The following ZNF705A variants were observed in gnomAD, a reference collection of about 807,000 sequenced individuals.
The protein encoded by ZNF705A is zinc finger protein 705A.
ZNF705A carries 8 observed loss-of-function variants against 16.6 expected under a neutral mutation model. The observed-to-expected ratio is 0.48, with a 90% confidence interval of 0.28 to 0.87. The LOEUF (loss-of-function observed/expected upper bound fraction) is 0.87. Among genes scored for constraint, ZNF705A ranks in the 40% least tolerant of loss-of-function variants. The probability of loss-of-function intolerance (pLI) is 0.10; values close to 1 mark genes in which losing one functional copy is unlikely to be tolerated. For missense variants in ZNF705A, 233 were observed against 359.9 expected, an observed-to-expected ratio of 0.65 and a Z score of 2.85; for synonymous variants, 73 against 117.3, an observed-to-expected ratio of 0.62 and a Z score of 2.44.
At chr12:8,169,398 A>G (rs1020450131), upstream of ZNF705A, among the ~76,000 whole-genome samples, 25 of 152,180 alleles carry the variant, frequency 1.6e-4, no homozygotes, top group African/African-American at 6.0e-4. Context: ...CTGACTTGCA[A>G]TCCCGTCAAG....
upstream of ZNF705A, among the ~76,000 whole-genome samples, chr12:8,170,238 A>G (rs1948435481): frequency 6.7e-6 from 1 of 149,842 alleles, no homozygotes; most frequent in South Asian, 2.2e-4. Flanking sequence ...GGAGATCCTA[A>G]GCTGTGCAGG....
chr12:8,179,312 G>A (rs1443839525), exon 5 of ZNF705A: 2 of 152,222 alleles, frequency 1.3e-5, no homozygotes, highest in East Asian at 1.9e-4. Flanking sequence ...TAAAACACCA[G>A]CATGATAAAA....
At chr12:8,167,261 A>C (rs1332089531) in intron 1 of ZNF705A, among the ~76,000 whole-genome samples, 2 of 152,236 alleles carry the variant, frequency 1.3e-5, no homozygotes, top group African/African-American at 4.8e-5. Context: ...AGTACTTATG[A>C]ATAAAAAAAG....
chr12:8,168,548 G>C (rs770678114), upstream of ZNF705A, among the ~76,000 whole-genome samples: 1 of 152,254 alleles, frequency 6.6e-6, no homozygotes, highest in South Asian at 2.1e-4. Context: ...TTCTAGATCT[G>C]CATTGGCCAA....
upstream of ZNF705A, chr12:8,172,419 C>G: frequency 1.4e-6 from 1 of 721,062 alleles, no homozygotes; most frequent in Non-Finnish European, 2.4e-6. Context: ...AGAGGAGAGG[C>G]CTCTGCGTGT....
At chr12:8,176,778 G>C (rs1948486799) in intron 4 of ZNF705A, among the ~76,000 whole-genome samples, 1 of 152,112 alleles carries the variant, frequency 6.6e-6, no homozygotes, top group Admixed American at 6.6e-5. Context: ...GGAACCAGAA[G>C]GGGGAGGCAG....
At chr12:8,173,520 C>A (rs1001911872) in intron 1 of ZNF705A, among the ~76,000 whole-genome samples, 1 of 152,050 alleles carries the variant, frequency 6.6e-6, no homozygotes, top group African/African-American at 2.4e-5. Context: ...TTTGGATTGC[C>A]GAGAGAAAGT....
chr12:8,157,048 A>G (rs1034919497), exon 1 of ZNF705A: 5 of 397,938 alleles, frequency 1.3e-5, no homozygotes, highest in African/African-American at 2.1e-5. Flanking sequence ...GGAAAATTGC[A>G]AGGGGTTTTT....
chr12:8,163,198 A>G (rs981596348), intron 1 of ZNF705A, among the ~76,000 whole-genome samples: 2 of 152,222 alleles, frequency 1.3e-5, no homozygotes, highest in African/African-American at 4.8e-5. Context: ...GATAGCACCT[A>G]TAAAGATCGA....
At chr12:8,175,557 C>T (rs761833215) in intron 3 of ZNF705A, among the ~76,000 whole-genome samples, 1 of 152,254 alleles carries the variant, frequency 6.6e-6, no homozygotes, top group South Asian at 2.1e-4. Context: ...AATTCATGTA[C>T]TTGGCTGGGG....
chr12:8,171,063 T>A (rs966509696), upstream of ZNF705A, among the ~76,000 whole-genome samples: 5 of 152,302 alleles, frequency 3.3e-5, no homozygotes, highest in East Asian at 9.7e-4. Context: ...TTTTGTAATT[T>A]TGTCATATTT....
chr12:8,174,835 C>G (rs1189585380), intron 2 of ZNF705A, among the ~76,000 whole-genome samples: 2 of 151,466 alleles, frequency 1.3e-5, no homozygotes, highest in South Asian at 2.1e-4. Context: ...ATAGCAATAT[C>G]TTTTCCATAT....
At chr12:8,158,919 G>A (rs761992708) in intron 1 of ZNF705A, among the ~76,000 whole-genome samples, 102 of 152,014 alleles carry the variant, frequency 6.7e-4, no homozygotes, top group Non-Finnish European at 1.3e-3. Flanking sequence ...CCCATCTCCC[G>A]AGCAGTGTAC....
chr12:8,168,088 C>G (rs1459318455), upstream of ZNF705A, among the ~76,000 whole-genome samples: 1 of 152,198 alleles, frequency 6.6e-6, no homozygotes, highest in Non-Finnish European at 1.5e-5. Context: ...CTGAAGCTTT[C>G]TTTCCTTTTC....
intron 1 of ZNF705A, 46 bp from the exon 3 acceptor site, chr12:8,174,280 T>G: frequency 6.3e-7 from 1 of 1,595,904 alleles, no homozygotes; most frequent in East Asian, 2.2e-5. Context: ...TTCCGGACAT[T>G]GAAAGGGATT....
chr12:8,161,316 A>G (rs1211733387), intron 1 of ZNF705A, among the ~76,000 whole-genome samples: 1 of 152,144 alleles, frequency 6.6e-6, no homozygotes, highest in Non-Finnish European at 1.5e-5. Flanking sequence ...TGCTGGCTTC[A>G]CAGAATAAAC....
At chr12:8,176,914 T>C (rs1276344117) in intron 4 of ZNF705A, 85 bp from the exon 6 acceptor site, 10 of 1,558,168 alleles carry the variant, frequency 6.4e-6, no homozygotes, top group Non-Finnish European at 8.8e-6. Flanking sequence ...CCACTGAATG[T>C]TTGGTCTAGG....
chr12:8,163,691 T>C (rs1948375826), intron 1 of ZNF705A, among the ~76,000 whole-genome samples: 1 of 152,250 alleles, frequency 6.6e-6, no homozygotes, highest in Non-Finnish European at 1.5e-5. Context: ...TAGTTCTACC[T>C]ACCATGGCTA....
intron 1 of ZNF705A, among the ~76,000 whole-genome samples, chr12:8,161,301 G>C (rs1948352569): frequency 6.6e-6 from 1 of 152,048 alleles, no homozygotes; most frequent in Non-Finnish European, 1.5e-5. Flanking sequence ...TTGGTATTAG[G>C]GTGGTGCTGG....
Sources: gnomAD v4.1 joint callset for allele counts (sites outside exome capture counted in the v4.1 genomes callset) on GRCh38, gnomAD v4.1.1 for gene constraint, MANE v1.5 for transcripts, NCBI Gene and HGNC (gene_info 2026-07-23, HGNC 2026-07-21) for gene names.